Variants in ROCK2 observed in about 807,000 individuals in gnomAD.
ROCK2 encodes Rho associated coiled-coil containing protein kinase 2.
A neutral mutation model predicts 195.1 loss-of-function variants in ROCK2; 61 were observed. The ratio of observed to expected loss-of-function variants is 0.31; its 90% confidence interval spans 0.25 to 0.39. The LOEUF (loss-of-function observed/expected upper bound fraction) is 0.39, where lower values mean the gene tolerates loss of function less well. ROCK2 is among the 10% of genes least tolerant of loss of function. ROCK2 has a pLI of 1.00. For missense variants in ROCK2, 1,109 were observed against 1,637.4 expected, an observed-to-expected ratio of 0.68 and a Z score of 5.57; for synonymous variants, 504 against 545.5, an observed-to-expected ratio of 0.92 and a Z score of 1.06.
intron 4 of ROCK2, among the ~76,000 whole-genome samples, chr2:11,239,122 A>C (rs1250669873): frequency 2.0e-5 from 3 of 152,198 alleles, no homozygotes; most frequent in Non-Finnish European, 2.9e-5. Context: ...TCTTAAAAAA[A>C]CACAGGAGAA....
chr2:11,218,379 A>C, intron 11 of ROCK2, 76 bp downstream of exon 11: 1 of 1,123,464 alleles, frequency 8.9e-7, no homozygotes, highest in Non-Finnish European at 1.3e-6. Flanking sequence ...GCTAGGTAGG[A>C]TATGACTATA....
chr2:11,303,764 C>T (rs550769672), intron 1 of ROCK2, among the ~76,000 whole-genome samples: 49 of 152,220 alleles, frequency 3.2e-4, no homozygotes, highest in African/African-American at 1.1e-3. Flanking sequence ...AGATCTCCCC[C>T]GACTAACAGC....
chr2:11,208,328 T>C lies in ROCK2; in HGVS notation c.2323A>G (p.Ile775Val). 1 of 1,499,724 alleles carries C rather than the reference T, an allele frequency of 6.7e-7. No homozygotes were observed. Among genetic ancestry groups the C allele is most frequent in the Non-Finnish European group, 9.0e-7 (1 of 1,111,428 alleles). The allele number at this position is 1,499,724 out of a possible 1,614,324, so 92.9% of individuals were successfully genotyped here. A position where few individuals can be genotyped will look rare whatever the true frequency, so the allele number is the denominator to read the frequency against. Residue 775 changes from isoleucine (I) to valine (V), a missense_variant, in exon 19 of 33, where the codon ATA (isoleucine) becomes GTA (valine). By Grantham distance (29) the Ile-to-Val change is conservative (BLOSUM62 3). Around this residue, in one of 6 missense-constraint regions of ROCK2, gnomAD observed 542 missense variants for 672.0 expected, o/e 0.81. Coordinates refer to ENST00000315872, the MANE Select transcript of ROCK2 (RefSeq NM_004850.5). Reference sequence around the variant, plus strand: ...TCTTTCTGTTTAAGGAGCTCATTTATTTTCTGCTGTGACTGTTTGAGGTCA... The same window carrying C: ...TCTTTCTGTTTAAGGAGCTCATTTACTTTCTGCTGTGACTGTTTGAGGTCA... ...DCDLKQSQQK[I>V]NELLKQKDVL...
chr2:11,312,831 A>G (rs1668077492), intron 1 of ROCK2, among the ~76,000 whole-genome samples: 1 of 152,142 alleles, frequency 6.6e-6, no homozygotes, highest in Non-Finnish European at 1.5e-5. Flanking sequence ...GACATGAACG[A>G]AACTTAAATG....
chr2:11,300,718 C>A (rs375902126), intron 1 of ROCK2, among the ~76,000 whole-genome samples: 6 of 152,256 alleles, frequency 3.9e-5, no homozygotes, highest in African/African-American at 1.2e-4. Flanking sequence ...GGCTTAATAA[C>A]CCTGTTTCTA....
At chr2:11,330,847 AGG>A (rs1491187754) in intron 1 of ROCK2, among the ~76,000 whole-genome samples, 34 of 7,158 alleles carry the variant, frequency 4.7e-3, no homozygotes, top group East Asian at 0.019. Context: ...AGGGAGGAGG[AGG>A]GGGAGGAAGA....
chr2:11,250,585 C>G (rs780330232), intron 3 of ROCK2, among the ~76,000 whole-genome samples: 2 of 152,184 alleles, frequency 1.3e-5, no homozygotes, highest in Non-Finnish European at 2.9e-5. Context: ...CTAATCTTCA[C>G]CCGAATTTAT....
chr2:11,267,419 A>G (rs1428031386), intron 3 of ROCK2, among the ~76,000 whole-genome samples: 2 of 152,050 alleles, frequency 1.3e-5, no homozygotes, highest in Non-Finnish European at 2.9e-5. Context: ...AGGCTCTTCT[A>G]TAACTCAACT....
Position 11,187,120 on chromosome 2 carries a change from T to C in ROCK2, c.4164-3680A>G, listed in dbSNP as rs1572215298. Among the ~76,000 whole-genome samples the C allele has an allele frequency of 2.0e-5, 3 of 152,208 alleles. No individual in the cohort carries two copies. In the South Asian group the frequency reaches 6.2e-4, roughly 31 times the overall value. ...TCTTAACCCGTGCCAGTTTGGCAGG[T>C]GAAAAATGGTTTTATGTTATAGTTT... On this transcript the variant is annotated intron_variant, in intron 32 of 32. Coordinates refer to ENST00000315872, the MANE Select transcript of ROCK2 (RefSeq NM_004850.5).
intron 5 of ROCK2, among the ~76,000 whole-genome samples, chr2:11,229,489 G>C (rs1237853692): frequency 6.6e-6 from 1 of 151,602 alleles, no homozygotes; most frequent in Non-Finnish European, 1.5e-5. Context: ...TGGGAATATG[G>C]AGCAAGTGAC....
chr2:11,188,931 A>G (rs1232222421), intron 32 of ROCK2, among the ~76,000 whole-genome samples: 2 of 150,908 alleles, frequency 1.3e-5, no homozygotes, highest in Admixed American at 6.6e-5. Flanking sequence ...AACTACCCAG[A>G]AGGCTGAGGC....
At chr2:11,287,075 A>G (rs768559503) in intron 2 of ROCK2, among the ~76,000 whole-genome samples, 2 of 152,204 alleles carry the variant, frequency 1.3e-5, no homozygotes, top group African/African-American at 2.4e-5. Flanking sequence ...GTAACTATAG[A>G]TAAGATTGTT....
At position 11,183,333 on chromosome 2, in the gene ROCK2, G is replaced by T; in HGVS notation, c.*104C>A. 1 of 893,122 alleles carries T rather than the reference G, an allele frequency of 1.1e-6. No individual in the cohort carries two copies. Among genetic ancestry groups the T allele is most frequent in the Non-Finnish European group, 1.8e-6 (1 of 566,360 alleles). 55.3% of individuals were successfully genotyped at this position (893,122 alleles called of 1,614,324 possible). Reference sequence around the variant, plus strand: ...TATGAGTGTATGTATCAGTCTCTCAGGAAAATATAGCTTTTTAATAAATTT... The same window carrying T: ...TATGAGTGTATGTATCAGTCTCTCATGAAAATATAGCTTTTTAATAAATTT... On this transcript the variant is annotated 3_prime_UTR_variant, in exon 33 of 33. Transcript: ENST00000315872.
Position 11,262,180 on chromosome 2 carries a change from T to A in ROCK2, c.325-12382A>T, listed in dbSNP as rs1666250336. Among the ~76,000 whole-genome samples, 5 of 152,182 alleles carry A rather than the reference T, an allele frequency of 3.3e-5. No homozygotes were observed. In the South Asian group the frequency reaches 1.0e-3, roughly 32 times the overall value. The stretch of plus-strand genomic sequence containing the variant: ...TCTTTGTATAGAAAAGATTGCTACA[T>A]CCCTTGTTTTTAATTTTAAAAGTGG... On this transcript the variant is annotated intron_variant, in intron 3 of 32. Coordinates refer to ENST00000315872, the MANE Select transcript of ROCK2 (RefSeq NM_004850.5).
chr2:11,292,171 T>C (rs1667382974), intron 1 of ROCK2, among the ~76,000 whole-genome samples: 2 of 152,188 alleles, frequency 1.3e-5, no homozygotes, highest in South Asian at 2.1e-4. Flanking sequence ...AAAAAGTCCA[T>C]ATTCATAGAC....
chr2:11,220,080 G>A (rs576437096), intron 9 of ROCK2, among the ~76,000 whole-genome samples: 4 of 152,164 alleles, frequency 2.6e-5, no homozygotes, highest in East Asian at 1.9e-4. Flanking sequence ...GCAATGGCAC[G>A]ATCTCGTTTC....
chr2:11,224,537 G>A, intron 6 of ROCK2, 77 bp from the exon 7 acceptor site: 1 of 1,325,114 alleles, frequency 7.5e-7, no homozygotes. Context: ...ACTTAAATAT[G>A]TTAAGTTTAA....
At chr2:11,333,143 A>G (rs1668820187) in intron 1 of ROCK2, among the ~76,000 whole-genome samples, 2 of 152,234 alleles carry the variant, frequency 1.3e-5, no homozygotes, top group Admixed American at 1.3e-4. Flanking sequence ...GAAGACATTA[A>G]TGGTGTATAA....
intron 1 of ROCK2, among the ~76,000 whole-genome samples, chr2:11,315,859 T>G (rs529307543): frequency 7.2e-4 from 109 of 152,262 alleles, no homozygotes; most frequent in Admixed American, 2.0e-3. Context: ...GTCCACATTC[T>G]GATTATTAAG....
Sources: gnomAD v4.1 joint callset for allele counts (sites outside exome capture counted in the v4.1 genomes callset) on GRCh38, gnomAD v4.1.1 for gene constraint, gnomAD v4.1.1 regional missense constraint, MANE v1.5 for transcripts, NCBI Gene and HGNC (gene_info 2026-07-23, HGNC 2026-07-21) for gene names.